Variants in BRINP3 observed in about 807,000 individuals in gnomAD.
The protein encoded by BRINP3 is BMP/retinoic acid inducible neural specific 3.
A neutral mutation model predicts 71.0 loss-of-function variants in BRINP3; 19 were observed. The observed-to-expected ratio is 0.27, with a 90% CI of 0.19 to 0.39. BRINP3 has a LOEUF of 0.39. Ranked by LOEUF, BRINP3 falls within the 10% of genes least tolerant of loss-of-function variation. The pLI, the probability that BRINP3 is intolerant of heterozygous loss-of-function variation, is 1.00. For missense variants in BRINP3, 959 were observed against 940.8 expected (o/e 1.02, Z -0.25); for synonymous variants, 380 against 337.7 (o/e 1.13, Z -1.37).
chr1:190,152,281 C>T (rs1354024188), intron 7 of BRINP3, among the ~76,000 whole-genome samples: 1 of 151,732 alleles, frequency 6.6e-6, no homozygotes, highest in African/African-American at 2.4e-5. Context: ...CCATGGCAGT[C>T]ATTATCTCAA....
intron 2 of BRINP3, among the ~76,000 whole-genome samples, chr1:190,316,182 A>T (rs935660879): frequency 2.0e-5 from 3 of 152,112 alleles, no homozygotes; most frequent in African/African-American, 4.8e-5. Context: ...TGACAAAAAA[A>T]GGTTGACTTT....
intron 6 of BRINP3, among the ~76,000 whole-genome samples, chr1:190,175,752 A>T (rs1202578368): frequency 1.3e-5 from 2 of 152,216 alleles, no homozygotes; most frequent in African/African-American, 4.8e-5. Flanking sequence ...TCACCTATCT[A>T]TCTATCGTAT....
At chr1:190,355,886 T>C (rs942456749) in intron 2 of BRINP3, among the ~76,000 whole-genome samples, 7 of 151,852 alleles carry the variant, frequency 4.6e-5, no homozygotes, top group Non-Finnish European at 1.0e-4. Context: ...TTTAAAGGAG[T>C]ATAGGATTGC....
At chr1:190,304,414 C>A (rs549353827) in intron 2 of BRINP3, among the ~76,000 whole-genome samples, 1 of 151,822 alleles carries the variant, frequency 6.6e-6, no homozygotes, top group Non-Finnish European at 1.5e-5. Context: ...CAAACTGATA[C>A]TGGTATAAGA....
At chr1:190,158,864 A>AT (rs954502604) in intron 7 of BRINP3, among the ~76,000 whole-genome samples, 2 of 150,150 alleles carry the variant, frequency 1.3e-5, no homozygotes, top group Non-Finnish European at 3.0e-5. Context: ...GACCACAGGG[A>AT]GGGGGAGAGA....
chr1:190,153,531 G>C (rs925365070), intron 7 of BRINP3, among the ~76,000 whole-genome samples: 1 of 151,992 alleles, frequency 6.6e-6, no homozygotes, highest in Non-Finnish European at 1.5e-5. Context: ...TCATCCTGGA[G>C]TGCCTGAAAC....
chr1:190,367,029 G>T (rs903717618), intron 2 of BRINP3, among the ~76,000 whole-genome samples: 1 of 152,126 alleles, frequency 6.6e-6, no homozygotes, highest in Non-Finnish European at 1.5e-5. Flanking sequence ...TACCATTCTG[G>T]CATCTGGAGG....
intron 7 of BRINP3, among the ~76,000 whole-genome samples, chr1:190,113,599 G>A (rs1351348168): frequency 6.6e-6 from 1 of 152,090 alleles, no homozygotes; most frequent in Admixed American, 6.6e-5. Context: ...TGGAATTACT[G>A]AAAAATAGAG....
chr1:190,336,026 T>G (rs867081437), intron 2 of BRINP3, among the ~76,000 whole-genome samples: 1 of 152,140 alleles, frequency 6.6e-6, no homozygotes, highest in East Asian at 1.9e-4. Context: ...TTTCCGTCTT[T>G]TGGAATACTA....
intron 7 of BRINP3, among the ~76,000 whole-genome samples, chr1:190,111,873 G>A (rs1478515708): frequency 3.3e-5 from 5 of 152,120 alleles, no homozygotes; most frequent in Admixed American, 1.3e-4. Flanking sequence ...GAGATTGGAG[G>A]ACTGGAGGAG....
At chr1:190,193,386 T>TATAC (rs1654213403) in intron 6 of BRINP3, among the ~76,000 whole-genome samples, 4 of 152,186 alleles carry the variant, frequency 2.6e-5, no homozygotes, top group African/African-American at 9.6e-5. Context: ...GTTGTGAAAG[T>TATAC]ATACGTAATT....
intron 2 of BRINP3, among the ~76,000 whole-genome samples, chr1:190,358,141 A>C (rs1254939569): frequency 6.6e-6 from 1 of 152,208 alleles, no homozygotes; most frequent in Non-Finnish European, 1.5e-5. Flanking sequence ...AATGGCAACA[A>C]AAGACAAAAT....
At chr1:190,308,844 C>T (rs2103019109) in intron 2 of BRINP3, among the ~76,000 whole-genome samples, 1 of 151,892 alleles carries the variant, frequency 6.6e-6, no homozygotes, top group South Asian at 2.1e-4. Flanking sequence ...TCTAAAGTTA[C>T]AACTAAAATG....
intron 7 of BRINP3, among the ~76,000 whole-genome samples, chr1:190,121,902 T>G (rs879808000): frequency 6.6e-6 from 1 of 152,146 alleles, no homozygotes; most frequent in Non-Finnish European, 1.5e-5. Flanking sequence ...ATAAAAATCG[T>G]GTGGACTGAA....
At position 190,431,703 on chromosome 1, in the gene BRINP3, A is replaced by G. The variant is rs192219561; in HGVS notation, c.236+22952T>C. On this transcript the variant is annotated intron_variant, in intron 2 of 7. Coordinates refer to ENST00000367462, the MANE Select transcript of BRINP3 (RefSeq NM_199051.3). ...AATTATTAAACTGAAAAATGTGAAG[A>G]TTTCACTTCAAATGAAAAAAATCCC... Among the ~76,000 whole-genome samples the G allele has an allele frequency of 2.2e-3, 338 of 152,200 alleles. 1 individual carries two copies. Among genetic ancestry groups the G allele is most frequent in the African/African-American group, 7.7e-3 (318 of 41,530 alleles).
chr1:190,344,607 T>C (rs1667892555), intron 2 of BRINP3, among the ~76,000 whole-genome samples: 1 of 151,920 alleles, frequency 6.6e-6, no homozygotes, highest in Non-Finnish European at 1.5e-5. Flanking sequence ...AATCATGGTT[T>C]CTTCTTCCAT....
At chr1:190,170,333 AT>A (rs1306269754) in intron 6 of BRINP3, among the ~76,000 whole-genome samples, 4 of 152,070 alleles carry the variant, frequency 2.6e-5, no homozygotes, top group African/African-American at 9.7e-5. Context: ...ACAATGTTTT[AT>A]TTTTCTTTGT....
At chr1:190,341,372 T>C (rs1667643882) in intron 2 of BRINP3, among the ~76,000 whole-genome samples, 1 of 151,904 alleles carries the variant, frequency 6.6e-6, no homozygotes, top group South Asian at 2.1e-4. Context: ...TAATATATGA[T>C]GTTTAATATT....
chr1:190,469,600 A>G (rs1430262797), intron 1 of BRINP3, among the ~76,000 whole-genome samples: 1 of 151,002 alleles, frequency 6.6e-6, no homozygotes, highest in Non-Finnish European at 1.5e-5. Context: ...TTCTGTGTAT[A>G]TACATTTACA....
Sources: gnomAD v4.1 joint callset for allele counts (sites outside exome capture counted in the v4.1 genomes callset) on GRCh38, gnomAD v4.1.1 for gene constraint, MANE v1.5 for transcripts, NCBI Gene and HGNC (gene_info 2026-07-23, HGNC 2026-07-21) for gene names.